The following RGS18 variants were observed in gnomAD, a reference collection of about 807,000 sequenced individuals.
RGS18 encodes the protein regulator of G protein signaling 18.
A neutral mutation model predicts 27.6 loss-of-function variants in RGS18; 22 were observed. The observed-to-expected ratio is 0.80, with a 90% confidence interval of 0.57 to 1.14. The LOEUF (loss-of-function observed/expected upper bound fraction) is 1.14. RGS18 is among the 50% of genes most tolerant of loss of function. The pLI is 0.00. For missense variants in RGS18, 299 were observed against 269.6 expected (o/e 1.11, Z -0.76); for synonymous variants, 89 against 84.6 (o/e 1.05, Z -0.29).
chr1:192,179,986 C>A lies in RGS18; in HGVS notation c.284-1306C>A, dbSNP rs577272661. On this transcript the variant is annotated intron_variant, in intron 3 of 4. Coordinates refer to ENST00000367460, the MANE Select transcript of RGS18 (RefSeq NM_130782.3). ...GAGTACACGGGGTCTCTCCTAGGAA[C>A]TTCCTACGAGTTCATGTAAATCTAT... Among the ~76,000 whole-genome samples, 13 of 151,652 alleles carry A rather than the reference C, an allele frequency of 8.6e-5. No homozygotes were observed. The South Asian group carries it at 1.5e-3, about 17-fold the overall frequency.
intron 3 of RGS18, among the ~76,000 whole-genome samples, chr1:192,177,678 C>T (rs2102158936): frequency 6.6e-6 from 1 of 151,784 alleles, no homozygotes; most frequent in South Asian, 2.1e-4. Flanking sequence ...GTAATTTCAA[C>T]CTCAATGAAT....
chr1:192,170,983 C>T (rs1023412753), intron 3 of RGS18, among the ~76,000 whole-genome samples: 1 of 152,084 alleles, frequency 6.6e-6, no homozygotes, highest in Non-Finnish European at 1.5e-5. Context: ...TAGGAACGTT[C>T]TAAGGAACAA....
At chr1:192,173,214 T>A (rs891882397) in intron 3 of RGS18, among the ~76,000 whole-genome samples, 5 of 151,936 alleles carry the variant, frequency 3.3e-5, no homozygotes, top group Non-Finnish European at 7.4e-5. Context: ...GTAATCTAAG[T>A]TAAAATGAGT....
intron 2 of RGS18, among the ~76,000 whole-genome samples, chr1:192,159,749 A>G (rs559467111): frequency 1.3e-5 from 2 of 152,302 alleles, no homozygotes; most frequent in South Asian, 2.1e-4. Flanking sequence ...ATTTAATTCA[A>G]AAAGAAAATG....
chr1:192,171,808 G>A (rs1430567632), intron 3 of RGS18, among the ~76,000 whole-genome samples: 1 of 151,776 alleles, frequency 6.6e-6, no homozygotes, highest in Non-Finnish European at 1.5e-5. Context: ...CTATATAAAG[G>A]AGGAATAAAT....
At position 192,160,407 on chromosome 1, in the gene RGS18, G is replaced by T; in HGVS notation, c.251G>T (p.Gly84Val). 1 of 1,612,492 alleles carries T rather than the reference G, an allele frequency of 6.2e-7. No individual in the cohort carries two copies. The highest frequency in any genetic ancestry group is 8.5e-7 in the Non-Finnish European group (1 of 1,178,720). ...RVSPEEAVKW[G>V]ESFDKLLSHR... Reference sequence around the variant, plus strand: ...TCCCCTGAAGAGGCAGTGAAATGGGGTGAATCATTTGACAAACTGCTTTCC... The same window carrying T: ...TCCCCTGAAGAGGCAGTGAAATGGGTTGAATCATTTGACAAACTGCTTTCC... The change falls in exon 3 of 5, where the codon GGT becomes GTT. Residue 84 changes from glycine (G) to valine (V), a missense_variant. Coordinates refer to ENST00000367460, the MANE Select transcript of RGS18 (RefSeq NM_130782.3).
intron 3 of RGS18, among the ~76,000 whole-genome samples, chr1:192,162,028 A>G (rs1439497048): frequency 6.6e-6 from 1 of 152,180 alleles, no homozygotes; most frequent in Non-Finnish European, 1.5e-5. Context: ...TGTAATATTT[A>G]TAGGTAGAGA....
intron 1 of RGS18, 139 bp from the exon 2 acceptor site, chr1:192,159,081 C>A: frequency 1.7e-6 from 1 of 601,562 alleles, no homozygotes; most frequent in Non-Finnish European, 3.0e-6. Flanking sequence ...TCCACAAATA[C>A]AATATTTAAA....
At chr1:192,177,305 A>C (rs1656374840) in intron 3 of RGS18, among the ~76,000 whole-genome samples, 1 of 151,332 alleles carries the variant, frequency 6.6e-6, no homozygotes, top group Non-Finnish European at 1.5e-5. Flanking sequence ...GATTGTCCAT[A>C]TCTCTTGTAA....
intron 4 of RGS18, among the ~76,000 whole-genome samples, chr1:192,182,338 C>G (rs1656470607): frequency 6.6e-6 from 1 of 151,584 alleles, no homozygotes; most frequent in Non-Finnish European, 1.5e-5. Context: ...TCTCCACATC[C>G]TCACCAACAT....
intron 4 of RGS18, among the ~76,000 whole-genome samples, chr1:192,183,559 C>A (rs1381194235): frequency 1.1e-4 from 17 of 151,326 alleles, no homozygotes; most frequent in Non-Finnish European, 2.5e-4. Context: ...CCAGGAATTC[C>A]AGGAGAGAAG....
At chr1:192,163,215 G>A (rs1221729822) in intron 3 of RGS18, 2 of 152,142 alleles carry the variant, frequency 1.3e-5, no homozygotes, top group African/African-American at 2.4e-5. Flanking sequence ...AAATGTCAAT[G>A]ATTGCTGCTA....
intron 3 of RGS18, among the ~76,000 whole-genome samples, chr1:192,173,563 A>G (rs945860155): frequency 6.6e-6 from 1 of 151,832 alleles, no homozygotes; most frequent in African/African-American, 2.4e-5. Flanking sequence ...AATTTACTAA[A>G]TTTGGTCCCA....
At chr1:192,162,720 G>C (rs1019082316) in intron 3 of RGS18, among the ~76,000 whole-genome samples, 1 of 152,220 alleles carries the variant, frequency 6.6e-6, no homozygotes, top group South Asian at 2.1e-4. Flanking sequence ...ACAATAACTT[G>C]TGTAAAACTT....
At position 192,184,462 on chromosome 1, in the gene RGS18, C is replaced by T. The variant is rs757036248; in HGVS notation, c.616C>T (p.Pro206Ser). 2 of 1,611,522 alleles carry T rather than the reference C, an allele frequency of 1.2e-6. No homozygotes were observed. The highest frequency in any genetic ancestry group is 1.7e-5 in the Admixed American group (1 of 59,754). ...DIYLDLMEGR[P>S]QRPTNLRRRS... Reference sequence around the variant, plus strand: ...CTATTTAGACTTGATGGAAGGAAGACCTCAGAGACCAACAAATCTTAGGAG... The same window carrying T: ...CTATTTAGACTTGATGGAAGGAAGATCTCAGAGACCAACAAATCTTAGGAG... Residue 206 changes from proline (P) to serine (S), a missense_variant, in exon 5 of 5, where the codon CCT becomes TCT. Coordinates refer to ENST00000367460, the MANE Select transcript of RGS18 (RefSeq NM_130782.3).
intron 3 of RGS18, among the ~76,000 whole-genome samples, chr1:192,170,139 T>C (rs1475484950): frequency 6.6e-6 from 1 of 152,162 alleles, no homozygotes; most frequent in Non-Finnish European, 1.5e-5. Flanking sequence ...TGGTTTTCTT[T>C]TACAGACCTA....
At chr1:192,172,566 C>T (rs1656279140) in intron 3 of RGS18, among the ~76,000 whole-genome samples, 1 of 151,762 alleles carries the variant, frequency 6.6e-6, no homozygotes, top group Non-Finnish European at 1.5e-5. Flanking sequence ...ACTAAGACAC[C>T]CACCTTCCAG....
chr1:192,169,161 G>A (rs1350012458), intron 3 of RGS18: 1 of 152,076 alleles, frequency 6.6e-6, no homozygotes, highest in Admixed American at 6.5e-5. Context: ...TTAGCTGACA[G>A]TACAAAAAAT....
intron 3 of RGS18, among the ~76,000 whole-genome samples, chr1:192,167,237 T>C (rs1656177425): frequency 6.6e-6 from 1 of 152,190 alleles, no homozygotes; most frequent in Non-Finnish European, 1.5e-5. Flanking sequence ...GAGTAAAGAC[T>C]ACAAGGAAAT....
Sources: allele counts gnomAD v4.1 joint callset (sites outside exome capture counted in the v4.1 genomes callset), GRCh38; gene constraint gnomAD v4.1.1; transcripts MANE v1.5; gene names NCBI Gene and HGNC (gene_info 2026-07-23, HGNC 2026-07-21).